Variants in PITPNB observed in about 807,000 individuals in gnomAD.
The protein encoded by PITPNB is phosphatidylinositol transfer protein beta isoform.
A neutral mutation model predicts 45.9 loss-of-function variants in PITPNB; 16 were observed. The observed-to-expected ratio is 0.35, with a 90% CI of 0.24 to 0.53. The LOEUF is 0.53. Ranked by LOEUF, PITPNB falls within the 20% of genes least tolerant of loss-of-function variation. The pLI is 0.93. For missense variants in PITPNB, 188 were observed against 330.5 expected (o/e 0.57, Z 3.34); for synonymous variants, 112 against 108.9 (o/e 1.03, Z -0.18).
At chr22:27,911,857 TATTTC>T (rs1211856424) in intron 2 of PITPNB, among the ~76,000 whole-genome samples, 16 of 152,220 alleles carry the variant, frequency 1.1e-4, no homozygotes, top group Admixed American at 9.8e-4. Flanking sequence ...CAGTAGCTTC[TATTTC>T]ATTTAACGTG....
At chr22:27,872,081 GTTTTTT>G (rs58288724) in intron 8 of PITPNB, among the ~76,000 whole-genome samples, 15 of 64,432 alleles carry the variant, frequency 2.3e-4, no homozygotes, top group East Asian at 1.8e-3. Context: ...ATTAAGCCTG[GTTTTTT>G]TTTTTTTTTT....
chr22:27,852,155 G>C lies in PITPNB; in HGVS notation c.*1547C>G, dbSNP rs1601367683. ...ATTCACTGAAATCACTCCAGTGGGGGAGGGATGCAGGACATGTGGGAAAAC... is the reference window on the plus strand; with the variant it reads ...ATTCACTGAAATCACTCCAGTGGGGCAGGGATGCAGGACATGTGGGAAAAC... On this transcript the variant is annotated 3_prime_UTR_variant, in exon 12 of 12. Coordinates refer to ENST00000335272, the MANE Select transcript of PITPNB (RefSeq NM_012399.5). 1 of 152,236 alleles carries C rather than the reference G, an allele frequency of 6.6e-6. No individual in the cohort carries two copies. The highest frequency in any genetic ancestry group is 1.5e-5 in the Non-Finnish European group (1 of 68,068). The allele number at this position is 152,236 out of a possible 1,614,324, so 9.4% of individuals were successfully genotyped here.
At chr22:27,860,367 A>G in intron 8 of PITPNB, 126 bp from the exon 9 acceptor site, 1 of 593,854 alleles carries the variant, frequency 1.7e-6, no homozygotes, top group South Asian at 2.6e-5. Flanking sequence ...TGTTTAATTC[A>G]GATATTTGAA....
chr22:27,869,906 C>T (rs1374803143), intron 8 of PITPNB, among the ~76,000 whole-genome samples: 5 of 150,286 alleles, frequency 3.3e-5, no homozygotes, highest in African/African-American at 1.2e-4. Flanking sequence ...TAATGGATCT[C>T]CCTTAGTGCC....
chr22:27,880,587 T>C (rs1202702444), intron 7 of PITPNB, among the ~76,000 whole-genome samples: 1 of 151,604 alleles, frequency 6.6e-6, no homozygotes, highest in Admixed American at 6.6e-5. Flanking sequence ...TGGTTTCTAG[T>C]GAAAAAGCAT....
At chr22:27,918,921 T>G (rs894273622) in intron 1 of PITPNB, among the ~76,000 whole-genome samples, 34 of 150,962 alleles carry the variant, frequency 2.3e-4, no homozygotes, top group Admixed American at 6.6e-4. Flanking sequence ...TCCCGAGCCA[T>G]GCGCTCGGGC....
At chr22:27,858,611 T>C (rs1257792671) in intron 9 of PITPNB, 102 bp from the exon 10 acceptor site, 3 of 871,158 alleles carry the variant, frequency 3.4e-6, no homozygotes, top group Non-Finnish European at 5.2e-6. Flanking sequence ...ATTTACACAT[T>C]TGGTTCAAAA....
intron 9 of PITPNB, among the ~76,000 whole-genome samples, chr22:27,859,765 G>C (rs1478281766): frequency 2.0e-5 from 3 of 152,170 alleles, no homozygotes; most frequent in Admixed American, 6.5e-5. Context: ...AGCTGAGATG[G>C]GGCAGGGGAG....
At chr22:27,891,403 A>G (rs1160517637) in intron 7 of PITPNB, among the ~76,000 whole-genome samples, 1 of 152,216 alleles carries the variant, frequency 6.6e-6, no homozygotes, top group East Asian at 1.9e-4. Context: ...CTTGGTGTGA[A>G]CACAGACTCT....
intron 9 of PITPNB, among the ~76,000 whole-genome samples, chr22:27,859,306 CA>C (rs1331456385): frequency 6.6e-6 from 1 of 152,154 alleles, no homozygotes; most frequent in Non-Finnish European, 1.5e-5. Flanking sequence ...CATGAATAAT[CA>C]AAGTTTCCAG....
chr22:27,911,083 AAC>A lies in PITPNB; in HGVS notation c.76_77del (p.Val26CysfsTer4). ...QEYQVGQLYS[V>X]AEASKNETGG... ...CAGTCTCATTCTTACTAGCTTCTGC[AAC>A]AGAGTAAAGCTGCCCAACCTGATAC... On this transcript the variant is annotated frameshift_variant, in exon 3 of 12. Transcript: ENST00000335272. LOFTEE classifies it high-confidence loss of function. 6.2e-7 allele frequency: 1 copy of A among 1,613,294 alleles called. No individual in the cohort carries two copies. Among genetic ancestry groups the A allele is most frequent in the Non-Finnish European group, 8.5e-7 (1 of 1,179,266 alleles).
At chr22:27,899,983 A>G (rs1036821959) in intron 3 of PITPNB, among the ~76,000 whole-genome samples, 2 of 152,036 alleles carry the variant, frequency 1.3e-5, no homozygotes, top group Non-Finnish European at 2.9e-5. Context: ...TGGGTGGATC[A>G]CCTGAGGTCA....
chr22:27,904,537 A>G (rs2146415916), intron 3 of PITPNB, among the ~76,000 whole-genome samples: 1 of 152,352 alleles, frequency 6.6e-6, no homozygotes, highest in South Asian at 2.1e-4. Context: ...AATGTTCTGA[A>G]ATTAAGTAAC....
chr22:27,908,546 T>G (rs2146422322), intron 3 of PITPNB, among the ~76,000 whole-genome samples: 1 of 152,166 alleles, frequency 6.6e-6, no homozygotes, highest in East Asian at 1.9e-4. Flanking sequence ...ATAAAAAATT[T>G]TATACATCAA....
At chr22:27,853,876 C>T (rs373582751) in intron 11 of PITPNB, among the ~76,000 whole-genome samples, 1 of 151,318 alleles carries the variant, frequency 6.6e-6, no homozygotes, top group Non-Finnish European at 1.5e-5. Context: ...AAAATAAAGT[C>T]GAGGCAGAAA....
chr22:27,908,595 G>A (rs1935829981), intron 3 of PITPNB, among the ~76,000 whole-genome samples: 1 of 152,010 alleles, frequency 6.6e-6, no homozygotes, highest in Non-Finnish European at 1.5e-5. Context: ...GAAGAGTCCA[G>A]TGTCTTTAAG....
chr22:27,906,347 G>A (rs1206677530), intron 3 of PITPNB, among the ~76,000 whole-genome samples: 3 of 152,210 alleles, frequency 2.0e-5, no homozygotes, highest in Non-Finnish European at 4.4e-5. Flanking sequence ...TATTTTGGAA[G>A]AAGACTTTAG....
chr22:27,902,793 A>G (rs1935639066), intron 3 of PITPNB, among the ~76,000 whole-genome samples: 1 of 152,204 alleles, frequency 6.6e-6, no homozygotes, highest in Non-Finnish European at 1.5e-5. Flanking sequence ...ATCATAGATC[A>G]CTGCCACCTC....
intron 3 of PITPNB, among the ~76,000 whole-genome samples, chr22:27,903,175 A>G (rs564245099): frequency 6.6e-6 from 1 of 152,252 alleles, no homozygotes; most frequent in Admixed American, 6.5e-5. Flanking sequence ...CAATTTCAAA[A>G]TGGGCAGCCA....
Sources: allele counts gnomAD v4.1 joint callset (sites outside exome capture counted in the v4.1 genomes callset), GRCh38; gene constraint gnomAD v4.1.1; transcripts MANE v1.5; gene names NCBI Gene and HGNC (gene_info 2026-07-23, HGNC 2026-07-21).